Variants in ENOSF1 observed in about 807,000 individuals in gnomAD.
ENOSF1 encodes mitochondrial enolase superfamily member 1.
Under a neutral mutation model 68.2 loss-of-function variants are expected in ENOSF1, and 73 were observed. The observed-to-expected ratio is 1.07, with a 90% confidence interval of 0.89 to 1.30. ENOSF1 has a LOEUF of 1.30. Among genes scored for constraint, ENOSF1 ranks in the 50% most tolerant of loss-of-function variants. The probability of loss-of-function intolerance (pLI) is 0.00; values close to 1 mark genes in which losing one functional copy is unlikely to be tolerated. For synonymous variants in ENOSF1, 223 were observed against 210.4 expected (o/e 1.06, Z -0.52); for missense variants, 589 against 554.5 (o/e 1.06, Z -0.62).
At position 670,593 on chromosome 18, in the gene ENOSF1, CAT is replaced by C. The variant is rs1418769609; in HGVS notation, c.*3710_*3711del. ...AGTGGCTCTCTCTCCTGGTCTCCACCATATGAGTTGGCTTCTGTTTCTCTCCT... is the reference window on the plus strand; with the variant it reads ...AGTGGCTCTCTCTCCTGGTCTCCACCATGAGTTGGCTTCTGTTTCTCTCCT... On this transcript the variant is annotated 3_prime_UTR_variant, in exon 16 of 16. Coordinates refer to ENST00000647584, the MANE Select transcript of ENOSF1 (RefSeq NM_017512.7). 1.6e-5 allele frequency: 21 copies of C among 1,325,282 alleles called. No homozygotes were observed. The highest frequency in any genetic ancestry group is 9.2e-5 in the East Asian group (4 of 43,328). The allele number at this position is 1,325,282 out of a possible 1,614,324, so 82.1% of individuals were successfully genotyped here.
chr18:704,069 A>G (rs1187083030), intron 2 of ENOSF1, among the ~76,000 whole-genome samples: 1 of 152,188 alleles, frequency 6.6e-6, no homozygotes, highest in African/African-American at 2.4e-5. Flanking sequence ...TAAAACCTGC[A>G]GAACCATGAG....
intron 5 of ENOSF1, 115 bp downstream of exon 5, chr18:693,767 C>T (rs2612082): frequency 0.35 from 536,084 of 1,536,898 alleles, 96,776 homozygotes; most frequent in Non-Finnish European, 0.37. Context: ...GCTTTATCAT[C>T]GCTATAGTGA....
chr18:679,160 C>T (rs2144635993), intron 11 of ENOSF1, among the ~76,000 whole-genome samples: 1 of 152,036 alleles, frequency 6.6e-6, no homozygotes, highest in South Asian at 2.1e-4. Context: ...CCATCAATTC[C>T]CTTCTTCTTG....
At chr18:669,290 TG>T, downstream of ENOSF1, 1 of 712,572 alleles carries the variant, frequency 1.4e-6, no homozygotes, top group Non-Finnish European at 2.2e-6. Context: ...CCCAGCCACA[TG>T]GTTGATTGTG....
At chr18:712,399 GGCGTCCGCGCTTACCAT>G in intron 1 of ENOSF1, 88 bp downstream of exon 1, 1 of 1,523,790 alleles carries the variant, frequency 6.6e-7, no homozygotes. Flanking sequence ...CGCTTACCAT[GGCGTCCGCGCTTACCAT>G]GGCGTCCGCG....
rs2075130279 is a variant in ENOSF1 at position 672,813 on chromosome 18, A to G, written c.*1492T>C. On this transcript the variant is annotated 3_prime_UTR_variant, in exon 16 of 16. Coordinates refer to ENST00000647584, the MANE Select transcript of ENOSF1 (RefSeq NM_017512.7). ...TTCACGGACATGAGGAGCAATTACA[A>G]CAGGTCGTACAATTATGGCAAAATA... is the stretch of plus-strand genomic sequence containing the variant. 5.9e-6 allele frequency: 9 copies of G among 1,529,540 alleles called. No homozygotes were observed. In the East Asian group the frequency reaches 6.9e-5, roughly 12 times the overall value. 94.7% of individuals were successfully genotyped at this position (1,529,540 alleles called of 1,614,324 possible). A position where few individuals can be genotyped will look rare whatever the true frequency, so the allele number is the denominator to read the frequency against.
At chr18:682,281 G>A (rs778987742) in intron 11 of ENOSF1, among the ~76,000 whole-genome samples, 6 of 152,132 alleles carry the variant, frequency 3.9e-5, no homozygotes, top group Non-Finnish European at 7.4e-5. Context: ...ATATGGCATG[G>A]CCTATTGCTC....
downstream of ENOSF1, among the ~76,000 whole-genome samples, chr18:667,424 T>C (rs370168519): frequency 1.7e-3 from 5 of 2,858 alleles, 1 homozygote; most frequent in African/African-American, 6.2e-3. Context: ...ATGGTGATGG[T>C]GATGGAGATG....
Position 688,423 on chromosome 18 carries a change from C to G in ENOSF1, c.653+151G>C, listed in dbSNP as rs557446614. 5 of 863,122 alleles carry G rather than the reference C, an allele frequency of 5.8e-6. No homozygotes were observed. The South Asian group carries it at 8.3e-5, about 14-fold the overall frequency. 53.5% of individuals were successfully genotyped at this position (863,122 alleles called of 1,614,324 possible). A position where few individuals can be genotyped will look rare whatever the true frequency, so the allele number is the denominator to read the frequency against. ...CCTGCCTTTAGAGAAAGAGCCTGGC[C>G]TAAGGGGAAACTTCTCTTATGCATC... On this transcript the variant is annotated intron_variant, in intron 9 of 15. Transcript: ENST00000647584.
At chr18:697,152 CT>C (rs2077818256) in intron 3 of ENOSF1, 87 bp downstream of exon 3, 2 of 893,108 alleles carry the variant, frequency 2.2e-6, no homozygotes, top group Non-Finnish European at 3.8e-6. Context: ...ATAAACCCAT[CT>C]CTATTTTCAC....
chr18:693,173 C>A (rs1299204751), intron 5 of ENOSF1: 1 of 1,289,148 alleles, frequency 7.8e-7, no homozygotes, highest in South Asian at 1.2e-5. Context: ...CAGTTGTTCA[C>A]CCCTGCTATG....
chr18:701,460 TA>T (rs879594494), intron 2 of ENOSF1, among the ~76,000 whole-genome samples: 140 of 140,002 alleles, frequency 1.0e-3, no homozygotes, highest in Non-Finnish European at 9.4e-4. Flanking sequence ...AATAAAGTCT[TA>T]AAAAAAAAAA....
At chr18:693,824 C>T in intron 5 of ENOSF1, 58 bp downstream of exon 5, 1 of 1,609,552 alleles carries the variant, frequency 6.2e-7, no homozygotes, top group South Asian at 1.1e-5. Flanking sequence ...AAAGGCATGT[C>T]ATCAATGATA....
intron 8 of ENOSF1, among the ~76,000 whole-genome samples, chr18:689,974 C>G (rs922206722): frequency 2.0e-5 from 3 of 152,030 alleles, no homozygotes; most frequent in Non-Finnish European, 4.4e-5. Context: ...CTCCATAAAA[C>G]CCCCAAGGAA....
Position 706,496 on chromosome 18 carries a change from A to C in ENOSF1, c.167T>G (p.Phe56Cys). ...EDGIKGCGIT[F>C]TLGKGTEVVV... ...AACTTCAGTGCCTTTTCCCAGAGTG[A>C]AGGTAATTCCACACCCCTTGATTCC... The change falls in exon 2 of 16, where the codon TTC becomes TGC. Residue 56 changes from phenylalanine to cysteine, a missense_variant. By Grantham distance (205) the Phe-to-Cys change is radical. Coordinates refer to ENST00000647584, the MANE Select transcript of ENOSF1 (RefSeq NM_017512.7). 2.5e-6 allele frequency: 4 copies of C among 1,613,710 alleles called. No homozygotes were observed. Among genetic ancestry groups the C allele is most frequent in the Non-Finnish European group, 3.4e-6 (4 of 1,179,710 alleles).
chr18:669,210 ATACTCT>A (rs1567992357), downstream of ENOSF1: 1 of 1,573,032 alleles, frequency 6.4e-7, no homozygotes, highest in Non-Finnish European at 8.7e-7. Context: ...TATACTAACC[ATACTCT>A]TAGAGGGAAG....
chr18:706,800 T>C, intron 1 of ENOSF1: 1 of 120,048 alleles, frequency 8.3e-6, no homozygotes, highest in East Asian at 2.0e-4. Context: ...GAGCAATGTA[T>C]GTATATATAT....
intron 11 of ENOSF1, among the ~76,000 whole-genome samples, chr18:679,561 GA>G (rs35144608): frequency 0.47 from 69,554 of 147,358 alleles, 18,413 homozygotes; most frequent in African/African-American, 0.74. Flanking sequence ...AAAAATCCAT[GA>G]AAAAAAAAAA....
At chr18:702,174 G>T (rs2078423611) in intron 2 of ENOSF1, among the ~76,000 whole-genome samples, 1 of 143,870 alleles carries the variant, frequency 7.0e-6, no homozygotes, top group African/African-American at 2.6e-5. Flanking sequence ...TGAGGCAGGA[G>T]AATCGCTTGA....
Sources: gnomAD v4.1 joint callset for allele counts (sites outside exome capture counted in the v4.1 genomes callset) on GRCh38, gnomAD v4.1.1 for gene constraint, MANE v1.5 for transcripts, NCBI Gene and HGNC (gene_info 2026-07-23, HGNC 2026-07-21) for gene names.